The following OPCML variants were observed in gnomAD, a reference collection of about 807,000 sequenced individuals.
OPCML encodes opioid-binding protein/cell adhesion molecule.
Under a neutral mutation model 37.8 loss-of-function variants are expected in OPCML, and 13 were observed. The ratio of observed to expected loss-of-function variants is 0.34; its 90% confidence interval spans 0.22 to 0.55. OPCML has a LOEUF of 0.55. Among genes scored for constraint, OPCML ranks in the 20% least tolerant of loss-of-function variants. The probability of loss-of-function intolerance (pLI) is 0.91; values close to 1 mark genes in which losing one functional copy is unlikely to be tolerated. For missense variants in OPCML, 341 were observed against 435.6 expected (o/e 0.78, Z 1.93); for synonymous variants, 176 against 168.8 (o/e 1.04, Z -0.33).
intron 1 of OPCML, among the ~76,000 whole-genome samples, chr11:133,450,974 C>A (rs1024518211): frequency 1.3e-5 from 2 of 151,732 alleles, no homozygotes; most frequent in African/African-American, 4.9e-5. Flanking sequence ...ATGCATTAAA[C>A]ATACCATATA....
intron 1 of OPCML, chr11:133,118,043 A>T: frequency 1.5e-6 from 1 of 682,594 alleles, no homozygotes; most frequent in Non-Finnish European, 1.8e-6. Context: ...AAGTTTCCCC[A>T]GCAGGTGAAA....
intron 1 of OPCML, among the ~76,000 whole-genome samples, chr11:133,417,057 G>C (rs1477462461): frequency 1.3e-5 from 2 of 152,196 alleles, no homozygotes; most frequent in Non-Finnish European, 2.9e-5. Context: ...TGCCCAGAGA[G>C]AGCAGGGAGG....
chr11:132,438,356 C>T (rs1395649328), intron 4 of OPCML, among the ~76,000 whole-genome samples: 1 of 152,244 alleles, frequency 6.6e-6, no homozygotes, highest in Admixed American at 6.5e-5. Flanking sequence ...GGCCTGCAGT[C>T]CTGAGGGCCA....
chr11:132,807,976 G>A (rs1354819117), intron 2 of OPCML, among the ~76,000 whole-genome samples: 1 of 152,168 alleles, frequency 6.6e-6, no homozygotes, highest in Admixed American at 6.6e-5. Context: ...TATTACATGA[G>A]TAAATGTAGA....
chr11:133,253,830 A>ATTCCCTTCCCTTCCT (rs1941227395), intron 1 of OPCML, among the ~76,000 whole-genome samples: 1 of 71,866 alleles, frequency 1.4e-5, no homozygotes, highest in African/African-American at 5.5e-5. Flanking sequence ...CTTCCCTTCC[A>ATTCCCTTCCCTTCCT]TTCCCTTCCC....
At chr11:133,123,226 C>A (rs1949448002) in intron 1 of OPCML, among the ~76,000 whole-genome samples, 1 of 152,086 alleles carries the variant, frequency 6.6e-6, no homozygotes, top group Non-Finnish European at 1.5e-5. Flanking sequence ...TGGGATCAGC[C>A]AGCTCATTTG....
intron 3 of OPCML, among the ~76,000 whole-genome samples, chr11:132,625,541 G>A (rs1939688232): frequency 1.3e-5 from 2 of 152,184 alleles, no homozygotes; most frequent in African/African-American, 4.8e-5. Context: ...TCAGAATGCA[G>A]ATTAGAGGGC....
intron 1 of OPCML, among the ~76,000 whole-genome samples, chr11:133,288,361 G>T (rs1343006589): frequency 2.0e-5 from 3 of 152,162 alleles, no homozygotes; most frequent in African/African-American, 7.2e-5. Context: ...CCATGGTCAA[G>T]TTGCCTACCT....
intron 1 of OPCML, among the ~76,000 whole-genome samples, chr11:133,488,809 A>G (rs567760397): frequency 4.6e-5 from 7 of 152,100 alleles, no homozygotes; most frequent in African/African-American, 1.7e-4. Flanking sequence ...ATCACACTAC[A>G]TGACTTCAAA....
intron 1 of OPCML, among the ~76,000 whole-genome samples, chr11:133,083,618 AG>A (rs1948775310): frequency 2.6e-5 from 4 of 152,260 alleles, no homozygotes; most frequent in Admixed American, 2.6e-4. Context: ...TGCAATGGAA[AG>A]AGACCTGGCA....
chr11:133,303,217 GCC>G (rs954290918), intron 1 of OPCML, among the ~76,000 whole-genome samples: 1 of 152,114 alleles, frequency 6.6e-6, no homozygotes, highest in Non-Finnish European at 1.5e-5. Flanking sequence ...GAAAATATGA[GCC>G]CCCCTGGTGC....
At chr11:133,328,870 T>C (rs2136642799) in intron 1 of OPCML, among the ~76,000 whole-genome samples, 1 of 152,174 alleles carries the variant, frequency 6.6e-6, no homozygotes, top group East Asian at 1.9e-4. Context: ...GGGTATTCAA[T>C]TAGGAAAAGA....
intron 4 of OPCML, among the ~76,000 whole-genome samples, chr11:132,498,934 G>A (rs760309556): frequency 2.6e-5 from 4 of 152,224 alleles, no homozygotes; most frequent in Non-Finnish European, 5.9e-5. Flanking sequence ...GAAGTGGTAC[G>A]TGCTACACAA....
chr11:132,782,588 C>T (rs1947069427), intron 2 of OPCML, among the ~76,000 whole-genome samples: 1 of 152,130 alleles, frequency 6.6e-6, no homozygotes, highest in Non-Finnish European at 1.5e-5. Context: ...TTTTTGGCTA[C>T]TGGAGAGATT....
rs890649209 is a variant in OPCML at position 133,395,982 on chromosome 11, C to A, written c.61+136282G>T. 2.0e-5 allele frequency among the ~76,000 whole-genome samples: 3 copies of A among 152,154 alleles called. No homozygotes were observed. The South Asian group carries it at 6.2e-4, about 31-fold the overall frequency. Reference sequence around the variant, plus strand: ...TATAGATTGCTTCAGGTAGTAAGGACATTTTAACAATATTGATTCTTCCAG... The same window carrying A: ...TATAGATTGCTTCAGGTAGTAAGGAAATTTTAACAATATTGATTCTTCCAG... On this transcript the variant is annotated intron_variant, in intron 1 of 7. Transcript: ENST00000524381.
intron 3 of OPCML, among the ~76,000 whole-genome samples, chr11:132,591,791 C>A (rs2096484852): frequency 6.6e-6 from 1 of 152,198 alleles, no homozygotes; most frequent in Admixed American, 6.5e-5. Flanking sequence ...ATCATCCCTG[C>A]ATCTCTGAGA....
chr11:132,761,798 G>C lies in OPCML; in HGVS notation c.147-104479C>G, dbSNP rs576413822. Among the ~76,000 whole-genome samples the C allele has an allele frequency of 2.7e-3, 408 of 152,180 alleles. 1 individual carries two copies. Among genetic ancestry groups the C allele is most frequent in the African/African-American group, 9.2e-3 (380 of 41,524 alleles). On this transcript the variant is annotated intron_variant, in intron 2 of 7. Transcript: ENST00000524381. Reference sequence around the variant, plus strand: ...AGTTTGTTATTACCCACCTTCTGAAGCCTACTTCTGTCAATTGATCAAACT... The same window carrying C: ...AGTTTGTTATTACCCACCTTCTGAACCCTACTTCTGTCAATTGATCAAACT...
chr11:132,476,758 T>C (rs1592232748), intron 4 of OPCML, among the ~76,000 whole-genome samples: 1 of 151,434 alleles, frequency 6.6e-6, no homozygotes, highest in Non-Finnish European at 1.5e-5. Context: ...AGTTAATGGG[T>C]GCAGCACACC....
At chr11:133,070,283 C>A (rs558564371) in intron 1 of OPCML, among the ~76,000 whole-genome samples, 1 of 152,258 alleles carries the variant, frequency 6.6e-6, no homozygotes, top group South Asian at 2.1e-4. Context: ...CAAAGGCTGT[C>A]GTGTCTTTCA....
Sources: gnomAD v4.1 joint callset for allele counts (sites outside exome capture counted in the v4.1 genomes callset) on GRCh38, gnomAD v4.1.1 for gene constraint, MANE v1.5 for transcripts, NCBI Gene and HGNC (gene_info 2026-07-23, HGNC 2026-07-21) for gene names.